The following LANCL2 variants were observed in gnomAD, a reference collection of about 807,000 sequenced individuals.
LANCL2 encodes LanC like glutathione S-transferase 2.
A neutral mutation model predicts 56.9 loss-of-function variants in LANCL2; 33 were observed. The observed-to-expected ratio is 0.58, with a 90% CI of 0.44 to 0.78. The LOEUF (loss-of-function observed/expected upper bound fraction) is 0.78, where lower values mean the gene tolerates loss of function less well. LANCL2 is among the 30% of genes least tolerant of loss of function. LANCL2 has a pLI of 0.00. For synonymous variants in LANCL2, 233 were observed against 228.2 expected (o/e 1.02, Z -0.19); for missense variants, 562 against 580.2 (o/e 0.97, Z 0.32).
At chr7:55,385,345 G>A (rs757720691) in intron 1 of LANCL2, among the ~76,000 whole-genome samples, 3 of 152,218 alleles carry the variant, frequency 2.0e-5, no homozygotes, top group Non-Finnish European at 4.4e-5. Flanking sequence ...GTTGCAAGGA[G>A]GTGACAGGCC....
Position 55,390,931 on chromosome 7 carries a change from T to A in LANCL2, c.205-862T>A, listed in dbSNP as rs541791239. On this transcript the variant is annotated intron_variant, in intron 1 of 8. Coordinates refer to ENST00000254770, the MANE Select transcript of LANCL2 (RefSeq NM_018697.4). ...TCTTAGTCTTGGGACTTAATTCTTT[T>A]TATATATATATATTTTTTAATCTGG... 1.8e-3 allele frequency among the ~76,000 whole-genome samples: 278 copies of A among 151,936 alleles called. 3 individuals are homozygous for A. The highest frequency in any genetic ancestry group is 6.4e-3 in the African/African-American group (267 of 41,484).
intron 6 of LANCL2, among the ~76,000 whole-genome samples, chr7:55,424,167 A>T (rs1790637612): frequency 6.6e-6 from 1 of 152,220 alleles, no homozygotes; most frequent in Non-Finnish European, 1.5e-5. Flanking sequence ...AGGGATAACT[A>T]AGAACAGACT....
At chr7:55,405,989 G>A (rs1790402124) in intron 5 of LANCL2, among the ~76,000 whole-genome samples, 1 of 152,208 alleles carries the variant, frequency 6.6e-6, no homozygotes, top group South Asian at 2.1e-4. Flanking sequence ...AATGTGGAAA[G>A]GAGGGCTTTG....
In LANCL2 at chr7:55,400,018, T is replaced by G. The variant is rs1286135907; in HGVS notation, c.592T>G (p.Tyr198Asp). 1 of 1,614,062 alleles carries G rather than the reference T, an allele frequency of 6.2e-7. No individual in the cohort carries two copies. The highest frequency in any genetic ancestry group is 2.2e-5 in the East Asian group (1 of 44,878). Residue 198 changes from tyrosine to aspartate, a missense_variant, in exon 4 of 9, where the codon TAT becomes GAT. Physicochemically the swap from Tyr to Asp is radical, Grantham distance 160. This residue lies in a region of LANCL2 where 378 missense variants were observed against 468.4 expected (regional missense o/e 0.81). Transcript: ENST00000254770. ...ATCAGACCTTCCTGATGAGCTGCTT[T>G]ATGGACGGGCAGGTTATCTGTATGC... The part of the protein sequence containing the change: ...QESDLPDELL[Y>D]GRAGYLYALL...
chr7:55,389,343 C>T (rs376053469), intron 1 of LANCL2, among the ~76,000 whole-genome samples: 38 of 152,246 alleles, frequency 2.5e-4, no homozygotes, highest in African/African-American at 7.9e-4. Context: ...AAGAGGGTTC[C>T]GCTTATGTCC....
intron 1 of LANCL2, among the ~76,000 whole-genome samples, chr7:55,371,909 TTGTG>T (rs144018831): frequency 3.3e-5 from 5 of 150,942 alleles, no homozygotes; most frequent in African/African-American, 9.7e-5. Context: ...ATGAACTAAA[TTGTG>T]TGTGTGTGTG....
At chr7:55,406,162 AGTGTGTGCC>A (rs1015351391) in intron 5 of LANCL2, among the ~76,000 whole-genome samples, 1 of 152,178 alleles carries the variant, frequency 6.6e-6, no homozygotes, top group Non-Finnish European at 1.5e-5. Context: ...TTGCTAGAGA[AGTGTGTGCC>A]TGCAGACTTG....
chr7:55,371,909 T>C (rs1013587945), intron 1 of LANCL2, among the ~76,000 whole-genome samples: 1 of 150,840 alleles, frequency 6.6e-6, no homozygotes, highest in Admixed American at 6.6e-5. Context: ...ATGAACTAAA[T>C]TGTGTGTGTG....
At chr7:55,371,749 G>T (rs1218312780) in intron 1 of LANCL2, among the ~76,000 whole-genome samples, 1 of 152,092 alleles carries the variant, frequency 6.6e-6, no homozygotes, top group East Asian at 1.9e-4. Flanking sequence ...TAAGCTATTG[G>T]AAATGCTTCA....
intron 6 of LANCL2, 141 bp from the exon 7 acceptor site, chr7:55,425,107 TTTTTTG>T: frequency 1.4e-6 from 1 of 727,820 alleles, no homozygotes; most frequent in Non-Finnish European, 2.2e-6. Flanking sequence ...TTGCTGGTGT[TTTTTTG>T]TTTGTTTGTC....
At chr7:55,370,181 C>T (rs934206776) in intron 1 of LANCL2, among the ~76,000 whole-genome samples, 3 of 152,150 alleles carry the variant, frequency 2.0e-5, no homozygotes, top group Admixed American at 6.5e-5. Context: ...TTTCTGGAGG[C>T]TTCAGTGTCT....
chr7:55,375,983 T>G (rs1789995834), intron 1 of LANCL2, among the ~76,000 whole-genome samples: 1 of 152,224 alleles, frequency 6.6e-6, no homozygotes, highest in Non-Finnish European at 1.5e-5. Context: ...TATTTCTGAC[T>G]TAAATAGGAG....
intron 8 of LANCL2, among the ~76,000 whole-genome samples, chr7:55,429,340 C>T (rs4947509): frequency 3.9e-5 from 6 of 151,954 alleles, no homozygotes; most frequent in Non-Finnish European, 1.5e-5. Flanking sequence ...AAATAAATTC[C>T]GTTTTTAAAA....
intron 5 of LANCL2, chr7:55,411,291 C>G (rs183750898): frequency 6.6e-5 from 10 of 152,110 alleles, no homozygotes; most frequent in Admixed American, 6.5e-4. Flanking sequence ...AGTCTTAGTC[C>G]CTGTAGTAAA....
intron 1 of LANCL2, among the ~76,000 whole-genome samples, chr7:55,367,134 C>T (rs999581279): frequency 6.6e-6 from 1 of 152,202 alleles, no homozygotes; most frequent in Non-Finnish European, 1.5e-5. Context: ...GGATGGCATA[C>T]CCTGTCACCC....
In LANCL2 at chr7:55,391,922, G is replaced by C. The variant is rs772102014; in HGVS notation, c.322+12G>C. The stretch of plus-strand genomic sequence containing the variant: ...TACTGGCTGGACAGGTGAGGCTGTG[G>C]GGTCTAAATCACTGATACATTTTAT... On this transcript the variant is annotated intron_variant, in intron 2 of 8. Coordinates refer to ENST00000254770, the MANE Select transcript of LANCL2 (RefSeq NM_018697.4). 2.2e-6 allele frequency: 3 copies of C among 1,362,776 alleles called. No homozygotes were observed. The South Asian group carries it at 3.5e-5, about 16-fold the overall frequency. The allele number at this position is 1,362,776 out of a possible 1,614,324, so 84.4% of individuals were successfully genotyped here. A position where few individuals can be genotyped will look rare whatever the true frequency, so the allele number is the denominator to read the frequency against.
Position 55,425,361 on chromosome 7 carries a change from C to T in LANCL2, c.1116C>T (p.Gly372=). Residue 372 remains glycine, a synonymous_variant, in exon 7 of 9, where the codon GGC becomes GGT. Transcript: ENST00000254770. ...ACGGGATATGCCATGGGACTGCTGGCAACGGCTATTCCTTCCTGTCCCTTT... is the reference window on the plus strand; with the variant it reads ...ACGGGATATGCCATGGGACTGCTGGTAACGGCTATTCCTTCCTGTCCCTTT... ...KGYGICHGTA[G]NGYSFLSLYR... 1 of 1,614,170 alleles carries T rather than the reference C, an allele frequency of 6.2e-7. No homozygotes were observed.
intron 3 of LANCL2, among the ~76,000 whole-genome samples, chr7:55,399,413 A>G (rs1054537142): frequency 1.4e-5 from 2 of 147,032 alleles, no homozygotes; most frequent in African/African-American, 5.1e-5. Context: ...GCGCGATCTC[A>G]GCTCACTGCA....
At chr7:55,401,362 A>C in intron 5 of LANCL2, 42 bp downstream of exon 5, 1 of 1,544,282 alleles carries the variant, frequency 6.5e-7, no homozygotes, top group Middle Eastern at 1.7e-4. Flanking sequence ...TATTTGATCA[A>C]ACATGAAATG....
Sources: allele counts gnomAD v4.1 joint callset (sites outside exome capture counted in the v4.1 genomes callset), GRCh38; gene constraint gnomAD v4.1.1; regional missense constraint gnomAD v4.1.1; transcripts MANE v1.5; gene names NCBI Gene and HGNC (gene_info 2026-07-23, HGNC 2026-07-21).